RAPGEF5: variants seen among roughly 807,000 people sequenced by gnomAD.
RAPGEF5 encodes M-Ras-regulated GEF.
Under a neutral mutation model 125.2 loss-of-function variants are expected in RAPGEF5, and 65 were observed. The observed-to-expected ratio is 0.52, with a 90% CI of 0.43 to 0.64. The LOEUF is 0.64. RAPGEF5 is among the 30% of genes least tolerant of loss of function. The probability of loss-of-function intolerance (pLI) is 0.00; values close to 1 mark genes in which losing one functional copy is unlikely to be tolerated. For missense variants in RAPGEF5, 958 were observed against 1,048.1 expected, an observed-to-expected ratio of 0.91 and a Z score of 1.19; for synonymous variants, 391 against 385.9, an observed-to-expected ratio of 1.01 and a Z score of -0.16.
chr7:22,167,462 G>A (rs1235089801), intron 11 of RAPGEF5, among the ~76,000 whole-genome samples: 2 of 152,132 alleles, frequency 1.3e-5, no homozygotes, highest in African/African-American at 4.8e-5. Flanking sequence ...GAAAACAAAT[G>A]CATAAATAAT....
intron 6 of RAPGEF5, among the ~76,000 whole-genome samples, chr7:22,271,898 G>C (rs534905258): frequency 2.5e-4 from 38 of 152,242 alleles, no homozygotes; most frequent in African/African-American, 8.9e-4. Flanking sequence ...AAATCCAAAG[G>C]CTCCCAGACC....
chr7:22,215,122 C>T (rs971809078), intron 9 of RAPGEF5, among the ~76,000 whole-genome samples: 1 of 152,130 alleles, frequency 6.6e-6, no homozygotes, highest in African/African-American at 2.4e-5. Flanking sequence ...AGTAAAACTT[C>T]TCAGCCCTCA....
intron 7 of RAPGEF5, among the ~76,000 whole-genome samples, chr7:22,255,730 C>A (rs1025453241): frequency 6.6e-6 from 1 of 152,126 alleles, no homozygotes; most frequent in Non-Finnish European, 1.5e-5. Context: ...GCTGGTTTAT[C>A]CTAGAAAGAG....
intron 9 of RAPGEF5, among the ~76,000 whole-genome samples, chr7:22,218,716 T>C (rs1785701815): frequency 6.6e-6 from 1 of 152,220 alleles, no homozygotes; most frequent in African/African-American, 2.4e-5. Flanking sequence ...AGGGTGCTTT[T>C]AACAACTTGA....
At chr7:22,145,400 C>T in intron 19 of RAPGEF5, 178 bp from the exon 20 acceptor site, 1 of 541,088 alleles carries the variant, frequency 1.8e-6, no homozygotes, top group Non-Finnish European at 3.1e-6. Flanking sequence ...AGAGGTGCCT[C>T]ATTCAATAAT....
intron 2 of RAPGEF5, among the ~76,000 whole-genome samples, chr7:22,317,164 G>C (rs1783618509): frequency 6.6e-6 from 1 of 151,010 alleles, no homozygotes; most frequent in Admixed American, 6.6e-5. Flanking sequence ...GGATACAGCG[G>C]TGGAGAAGGT....
intron 6 of RAPGEF5, among the ~76,000 whole-genome samples, chr7:22,288,418 A>G (rs896934671): frequency 1.3e-5 from 2 of 151,736 alleles, no homozygotes; most frequent in African/African-American, 4.8e-5. Context: ...TCAACTTCCT[A>G]AGAATATCAT....
chr7:22,151,573 T>A (rs921671813), intron 17 of RAPGEF5, among the ~76,000 whole-genome samples: 14 of 150,954 alleles, frequency 9.3e-5, no homozygotes, highest in African/African-American at 3.4e-4. Context: ...CAAGTGATTC[T>A]CCAACCTCAG....
chr7:22,122,375 T>G lies in RAPGEF5; in HGVS notation c.*31A>C, dbSNP rs368648131. On this transcript the variant is annotated 3_prime_UTR_variant, in exon 26 of 26. Transcript: ENST00000665637. ...TAGACATTCCCGTAGCTCAAAGTGC[T>G]GCAGATACAGGGGAGGTGAGGCAGT... 2.0e-6 allele frequency: 3 copies of G among 1,526,932 alleles called. No individual in the cohort carries two copies. Among genetic ancestry groups the G allele is most frequent in the Non-Finnish European group, 2.7e-6 (3 of 1,102,714 alleles). 94.6% of individuals were successfully genotyped at this position (1,526,932 alleles called of 1,614,324 possible). A position where few individuals can be genotyped will look rare whatever the true frequency, so the allele number is the denominator to read the frequency against.
At chr7:22,336,736 C>G (rs1438455746) in intron 1 of RAPGEF5, among the ~76,000 whole-genome samples, 2 of 152,150 alleles carry the variant, frequency 1.3e-5, no homozygotes, top group Non-Finnish European at 2.9e-5. Context: ...ATCTGCCAGG[C>G]GGGAAGTGCA....
chr7:22,149,780 C>A (rs868486879), intron 18 of RAPGEF5, among the ~76,000 whole-genome samples: 1 of 152,146 alleles, frequency 6.6e-6, no homozygotes, highest in Middle Eastern at 3.4e-3. Context: ...CATTTCTCAG[C>A]CTCATCTTCA....
chr7:22,352,664 A>G (rs1383343896), intron 1 of RAPGEF5, among the ~76,000 whole-genome samples: 2 of 152,232 alleles, frequency 1.3e-5, no homozygotes, highest in Non-Finnish European at 1.5e-5. Context: ...CTTAAAAAAG[A>G]AAAACTCACT....
intron 5 of RAPGEF5, among the ~76,000 whole-genome samples, chr7:22,293,161 C>T (rs1335696525): frequency 1.3e-5 from 2 of 152,224 alleles, no homozygotes; most frequent in African/African-American, 4.8e-5. Flanking sequence ...GATTTAAGCC[C>T]AGAACTCCCA....
chr7:22,199,595 G>A (rs1785231745), intron 9 of RAPGEF5, among the ~76,000 whole-genome samples: 1 of 140,374 alleles, frequency 7.1e-6, no homozygotes, highest in African/African-American at 2.6e-5. Flanking sequence ...ACACAGATTT[G>A]TTGGCCAGGG....
At chr7:22,282,154 T>A (rs1019055380) in intron 6 of RAPGEF5, among the ~76,000 whole-genome samples, 1 of 152,200 alleles carries the variant, frequency 6.6e-6, no homozygotes, top group African/African-American at 2.4e-5. Context: ...CTGAGCACAA[T>A]GACTTTTTAC....
chr7:22,168,569 C>T (rs1784245921), intron 11 of RAPGEF5, among the ~76,000 whole-genome samples: 1 of 152,046 alleles, frequency 6.6e-6, no homozygotes, highest in Non-Finnish European at 1.5e-5. Context: ...AGTATAGAGC[C>T]CTATAGCTCT....
At chr7:22,326,590 A>C (rs1161471072) in intron 1 of RAPGEF5, among the ~76,000 whole-genome samples, 1 of 152,188 alleles carries the variant, frequency 6.6e-6, no homozygotes, top group Admixed American at 6.5e-5. Context: ...TATTAGTAAG[A>C]ACTCTTAATT....
At chr7:22,216,661 G>GA (rs1785646048) in intron 9 of RAPGEF5, among the ~76,000 whole-genome samples, 1 of 152,138 alleles carries the variant, frequency 6.6e-6, no homozygotes, top group Admixed American at 6.6e-5. Context: ...ATGTTTAGAA[G>GA]ACACAGCCCA....
chr7:22,244,554 G>A (rs1786427586), intron 7 of RAPGEF5, among the ~76,000 whole-genome samples: 2 of 152,182 alleles, frequency 1.3e-5, no homozygotes, highest in East Asian at 1.9e-4. Flanking sequence ...ATCACCCCCA[G>A]ATGGAATCAT....
Sources: allele counts gnomAD v4.1 joint callset (sites outside exome capture counted in the v4.1 genomes callset), GRCh38; gene constraint gnomAD v4.1.1; transcripts MANE v1.5; gene names NCBI Gene and HGNC (gene_info 2026-07-23, HGNC 2026-07-21).